ZNF592: variants seen among roughly 807,000 people sequenced by gnomAD.
ZNF592 encodes spinocerebellar ataxia, autosomal recessive 5.
A neutral mutation model predicts 80.3 loss-of-function variants in ZNF592; 11 were observed. The ratio of observed to expected loss-of-function variants is 0.14; its 90% CI spans 0.09 to 0.23. The LOEUF (loss-of-function observed/expected upper bound fraction) is 0.23, where lower values mean the gene tolerates loss of function less well. ZNF592 is among the 10% of genes least tolerant of loss of function. The pLI, the probability that ZNF592 is intolerant of heterozygous loss-of-function variation, is 1.00. For missense variants in ZNF592, 1,420 were observed against 1,633.9 expected, an observed-to-expected ratio of 0.87 and a Z score of 2.26; for synonymous variants, 646 against 640.3, an observed-to-expected ratio of 1.01 and a Z score of -0.13.
intron 1 of ZNF592, among the ~76,000 whole-genome samples, chr15:84,761,815 G>A (rs1899359257): frequency 6.6e-6 from 1 of 152,152 alleles, no homozygotes; most frequent in African/African-American, 2.4e-5. Context: ...AAAGCCATTT[G>A]TTCCATCACC....
rs2141531951 is a variant in ZNF592 at position 84,803,824 on chromosome 15, A to T, written c.*1431A>T. The T allele has an allele frequency of 6.6e-6, 1 of 152,368 alleles. No homozygotes were observed. The highest frequency in any genetic ancestry group is 2.4e-5 in the African/African-American group (1 of 41,578). 9.4% of individuals were successfully genotyped at this position (152,368 alleles called of 1,614,324 possible). On this transcript the variant is annotated 3_prime_UTR_variant, in exon 11 of 11. Transcript: ENST00000560079. ...TGATGGTGGAGTCAGGGCCCACCCA[A>T]GCACGAGGAGCAGGCTGTGTGGAGG...
intron 2 of ZNF592, among the ~76,000 whole-genome samples, chr15:84,772,287 G>A (rs183940158): frequency 1.4e-4 from 21 of 152,270 alleles, no homozygotes; most frequent in African/African-American, 4.3e-4. Context: ...GCTCCTGCAC[G>A]TCTTGGGAGC....
chr15:84,781,213 G>A (rs899052917), intron 3 of ZNF592, among the ~76,000 whole-genome samples: 1 of 151,734 alleles, frequency 6.6e-6, no homozygotes, highest in Non-Finnish European at 1.5e-5. Context: ...ACGCCTGGCT[G>A]ATTTTTGTAT....
At chr15:84,754,967 T>G (rs1190378403) in intron 1 of ZNF592, among the ~76,000 whole-genome samples, 3 of 147,778 alleles carry the variant, frequency 2.0e-5, no homozygotes, top group Non-Finnish European at 4.5e-5. Context: ...TGAGTTGTTT[T>G]TTTTTTTTTT....
Position 84,801,895 on chromosome 15 carries a change from G to A in ZNF592, c.3306G>A (p.Val1102=). The change falls in exon 11 of 11, where the codon GTG becomes GTA. Residue 1102 remains valine (V), a synonymous_variant. Transcript: ENST00000560079. ...VNHLKRPVSG[V]GDAPGTSNGA... ...ATCTGAAAAGACCAGTCAGTGGAGT[G>A]GGGGACGCTCCAGGCACCAGCAATG... The A allele has an allele frequency of 6.2e-7, 1 of 1,613,878 alleles. No individual in the cohort carries two copies. The highest frequency in any genetic ancestry group is 1.3e-5 in the African/African-American group (1 of 75,014).
chr15:84,772,403 G>A (rs1962107395), intron 2 of ZNF592, among the ~76,000 whole-genome samples: 1 of 151,902 alleles, frequency 6.6e-6, no homozygotes, highest in Non-Finnish European at 1.5e-5. Flanking sequence ...TAAAAAAACT[G>A]GCCAGGCGTG....
Position 84,784,406 on chromosome 15 carries a change from C to G in ZNF592, c.1731C>G (p.Asp577Glu), listed in dbSNP as rs1379021617. The G allele has an allele frequency of 9.3e-6, 15 of 1,614,102 alleles. 1 individual carries two copies. The South Asian group carries it at 1.6e-4, about 18-fold the overall frequency. ...CGCCAAATCTCAGCCCGCCTGCGGA[C>G]AGCAGGATCCACGTGCCGGCCAGTG... ...LYAPNLSPPA[D>E]SRIHVPASGY... Residue 577 changes from aspartate to glutamate, a missense_variant, in exon 4 of 11, where the codon GAC (aspartate) becomes GAG (glutamate). Asp to Glu is a conservative substitution (Grantham distance 45, BLOSUM62 2). Around this residue, in one of 7 missense-constraint regions of ZNF592, gnomAD observed 524 missense variants for 628.3 expected, o/e 0.83. Coordinates refer to ENST00000560079, the MANE Select transcript of ZNF592 (RefSeq NM_014630.3). This position sits in a 1 kb window ranked among gnomAD's most constrained non-coding sequence, Gnocchi z 5.8.
Position 84,802,508 on chromosome 15 carries a change from C to A in ZNF592, c.*115C>A. 1 of 1,299,204 alleles carries A rather than the reference C, an allele frequency of 7.7e-7. No individual in the cohort carries two copies. The highest frequency in any genetic ancestry group is 1.1e-6 in the Non-Finnish European group (1 of 926,144). The allele number at this position is 1,299,204 out of a possible 1,614,324, so 80.5% of individuals were successfully genotyped here. A position where few individuals can be genotyped will look rare whatever the true frequency, so the allele number is the denominator to read the frequency against. ...CCAGTGTGAGTGTGACCGGTTGTAC[C>A]CTGGAGTAGTGTCTGCCCTGAGCTG... On this transcript the variant is annotated 3_prime_UTR_variant, in exon 11 of 11. Coordinates refer to ENST00000560079, the MANE Select transcript of ZNF592 (RefSeq NM_014630.3).
In ZNF592 at chr15:84,798,615, G is replaced by T. The variant is rs1323067780; in HGVS notation, c.2764G>T (p.Asp922Tyr). 2 of 1,613,980 alleles carry T rather than the reference G, an allele frequency of 1.2e-6. No homozygotes were observed. The highest frequency in any genetic ancestry group is 1.7e-5 in the Admixed American group (1 of 60,006). Residue 922 changes from aspartate to tyrosine, a missense_variant, in exon 8 of 11, where the codon GAC (aspartate) becomes TAC (tyrosine). Asp to Tyr is a radical substitution (Grantham distance 160). Coordinates refer to ENST00000560079, the MANE Select transcript of ZNF592 (RefSeq NM_014630.3). This position sits in a 1 kb window ranked among gnomAD's most constrained non-coding sequence, Gnocchi z 4.5. ...CACCCACGGTGTTCCCCGAAATGTG[G>T]ACGAGCTGTCAAGCCTCCAGTCTTC... ...KSTHGVPRNV[D>Y]ELSSLQSSAD...
At chr15:84,755,298 A>T (rs1453956807) in intron 1 of ZNF592, among the ~76,000 whole-genome samples, 6 of 150,594 alleles carry the variant, frequency 4.0e-5, no homozygotes, top group South Asian at 2.1e-4. Flanking sequence ...GTTTTTTTTA[A>T]TTTTTTTTTA....
rs1292126191 is a variant in ZNF592, at chr15:84,803,716, T to C, written c.*1323T>C. 6.6e-6 allele frequency: 1 copy of C among 152,386 alleles called. No homozygotes were observed. Among genetic ancestry groups the C allele is most frequent in the East Asian group, 1.9e-4 (1 of 5,194 alleles). 9.4% of individuals were successfully genotyped at this position (152,386 alleles called of 1,614,324 possible). ...CTTATAGCATTCAAGAGGTTTCTTA[T>C]TTCTTACAGCATCGCTACTGCCACA... On this transcript the variant is annotated 3_prime_UTR_variant, in exon 11 of 11. Transcript: ENST00000560079.
At chr15:84,775,520 C>T (rs1002775317) in intron 2 of ZNF592, among the ~76,000 whole-genome samples, 4 of 152,270 alleles carry the variant, frequency 2.6e-5, no homozygotes, top group Admixed American at 6.5e-5. Flanking sequence ...GCAACCTCCA[C>T]CTCCCGAATT....
Position 84,802,453 on chromosome 15 carries a change from GC to G in ZNF592, c.*61del, listed in dbSNP as rs1487725372. On this transcript the variant is annotated 3_prime_UTR_variant, in exon 11 of 11. Transcript: ENST00000560079. ...TGCCGAAGTGTCTTCCACCTGCCCT[GC>G]GGACCGTGGAAAATAAAAGGCTCTG... is the stretch of plus-strand genomic sequence containing the variant. The G allele has an allele frequency of 1.1e-5, 17 of 1,585,376 alleles. No homozygotes were observed. The East Asian group carries it at 3.6e-4, about 34-fold the overall frequency.
At chr15:84,766,766 A>G (rs955492115) in intron 2 of ZNF592, among the ~76,000 whole-genome samples, 14 of 150,660 alleles carry the variant, frequency 9.3e-5, no homozygotes, top group Non-Finnish European at 1.5e-5. Flanking sequence ...AGAACAGAAC[A>G]CTTGGGAGAG....
Position 84,784,638 on chromosome 15 carries a change from C to A in ZNF592, c.1963C>A (p.Pro655Thr). 5 of 1,614,182 alleles carry A rather than the reference C, an allele frequency of 3.1e-6. No individual in the cohort carries two copies. The highest frequency in any genetic ancestry group is 4.2e-6 in the Non-Finnish European group (5 of 1,180,040). ...GCAGTGTTCCCAGCTGCTGGTGAAG[C>A]CTATCTCTGCGGACCAAATGTTCGT... ...VMQCSQLLVK[P>T]ISADQMFVSA... The change falls in exon 4 of 11, where the codon CCT (proline) becomes ACT (threonine). Residue 655 changes from proline (P) to threonine (T), a missense_variant. This residue lies in a region of ZNF592 where 524 missense variants were observed against 628.3 expected (regional missense o/e 0.83). Coordinates refer to ENST00000560079, the MANE Select transcript of ZNF592 (RefSeq NM_014630.3). The surrounding 1 kb of genome is among the most constrained non-coding windows in gnomAD (Gnocchi z 5.8).
rs747659637 is a variant in ZNF592, at chr15:84,783,602, G to C, written c.927G>C (p.Lys309Asn). ...VTKEDQPGHT[K>N]DLSGPTKESS... ...AGGAGGATCAGCCTGGCCACACAAAGGATCTCTCAGGGCCCACTAAAGAGA... is the reference window on the plus strand; with the variant it reads ...AGGAGGATCAGCCTGGCCACACAAACGATCTCTCAGGGCCCACTAAAGAGA... The change falls in exon 4 of 11, where the codon AAG becomes AAC. Residue 309 changes from lysine to asparagine, a missense_variant. Lys to Asn is a moderately conservative substitution (Grantham distance 94). Transcript: ENST00000560079. The surrounding 1 kb of genome is among the most constrained non-coding windows in gnomAD (Gnocchi z 5.0). 3.7e-6 allele frequency: 6 copies of C among 1,614,196 alleles called. No individual in the cohort carries two copies. The East Asian group carries it at 1.3e-4, about 36-fold the overall frequency.
In ZNF592 at chr15:84,784,077, C is replaced by T. The variant is rs773703689; in HGVS notation, c.1402C>T (p.Arg468Trp). ...ATCTCCCAGCTGCAGTTCTGGGCCC[C>T]GGGTCCCAAAGGGGGCTGCCCCAGG... is the stretch of plus-strand genomic sequence containing the variant. ...SSSPSCSSGP[R>W]VPKGAAPGSQ... Residue 468 changes from arginine to tryptophan, a missense_variant, in exon 4 of 11, where the codon CGG becomes TGG. Around this residue, in one of 7 missense-constraint regions of ZNF592, gnomAD observed 524 missense variants for 628.3 expected, o/e 0.83. Coordinates refer to ENST00000560079, the MANE Select transcript of ZNF592 (RefSeq NM_014630.3). The surrounding 1 kb of genome is among the most constrained non-coding windows in gnomAD (Gnocchi z 5.8). 51 of 1,613,768 alleles carry T rather than the reference C, an allele frequency of 3.2e-5. No homozygotes were observed. In the Admixed American group the frequency reaches 4.3e-4, roughly 14 times the overall value.
intron 10 of ZNF592, among the ~76,000 whole-genome samples, chr15:84,800,628 T>G (rs187803375): frequency 1.4e-4 from 22 of 152,324 alleles, no homozygotes; most frequent in Middle Eastern, 6.8e-3. Flanking sequence ...AATCAGATGG[T>G]GTCAGTAGTT....
intron 2 of ZNF592, among the ~76,000 whole-genome samples, chr15:84,777,041 GA>G (rs531283225): frequency 1.5e-4 from 23 of 150,014 alleles, no homozygotes; most frequent in African/African-American, 5.4e-4. Flanking sequence ...GACAGTGCGA[GA>G]AAAAAAAAGA....
Sources: allele counts gnomAD v4.1 joint callset (sites outside exome capture counted in the v4.1 genomes callset), GRCh38; gene constraint gnomAD v4.1.1; regional missense constraint gnomAD v4.1.1; non-coding constraint Gnocchi (gnomAD v3.1); transcripts MANE v1.5; gene names NCBI Gene and HGNC (gene_info 2026-07-23, HGNC 2026-07-21).